Variants in NCBP3 observed in about 807,000 individuals in gnomAD.
NCBP3 encodes the protein nuclear cap binding subunit 3.
NCBP3 carries 20 observed loss-of-function variants against 75.7 expected under a neutral mutation model. That is an observed-to-expected ratio of 0.26 (90% confidence interval 0.19 to 0.38). The LOEUF (loss-of-function observed/expected upper bound fraction) is 0.38, where lower values mean the gene tolerates loss of function less well. Ranked by LOEUF, NCBP3 falls within the 10% of genes least tolerant of loss-of-function variation. NCBP3 has a pLI of 1.00. For synonymous variants in NCBP3, 293 were observed against 290.5 expected (o/e 1.01, Z -0.09); for missense variants, 678 against 796.9 (o/e 0.85, Z 1.80).
intron 7 of NCBP3, chr17:3,822,564 A>C (rs1375647365): frequency 1.3e-5 from 2 of 152,652 alleles, no homozygotes; most frequent in East Asian, 3.8e-4. Flanking sequence ...AAAACAGCAT[A>C]ATACTATACA....
intron 3 of NCBP3, among the ~76,000 whole-genome samples, chr17:3,836,156 T>C (rs2143701728): frequency 6.6e-6 from 1 of 152,364 alleles, no homozygotes; most frequent in African/African-American, 2.4e-5. Flanking sequence ...AACTTGAACT[T>C]GACGCCTAGT....
chr17:3,842,837 G>T (rs879370433), intron 2 of NCBP3, among the ~76,000 whole-genome samples: 1 of 152,056 alleles, frequency 6.6e-6, no homozygotes, highest in Non-Finnish European at 1.5e-5. Context: ...GTAGAGACGG[G>T]TCTCACTATG....
At position 3,846,209 on chromosome 17, in the gene NCBP3, C is replaced by G; in HGVS notation, c.15G>C (p.Arg5=). ...CCGCCTTCACCGACACCCGCAGGCC[C>G]CGTACGGCCGCCATCGCTGCCTGCC... The part of the protein sequence containing the change: MAAV[R]GLRVSVKAEA... The change falls in exon 1 of 13, where the codon CGG becomes CGC. Residue 5 remains arginine, a synonymous_variant. Coordinates refer to ENST00000389005, the MANE Select transcript of NCBP3 (RefSeq NM_001114118.3). This position sits in a 1 kb window ranked among gnomAD's most constrained non-coding sequence, Gnocchi z 4.6. 1 of 1,450,752 alleles carries G rather than the reference C, an allele frequency of 6.9e-7. No individual in the cohort carries two copies. The highest frequency in any genetic ancestry group is 9.0e-7 in the Non-Finnish European group (1 of 1,106,928). 89.9% of individuals were successfully genotyped at this position (1,450,752 alleles called of 1,614,324 possible).
In NCBP3 at chr17:3,807,993, A is replaced by C; in HGVS notation, c.*5051T>G. On this transcript the variant is annotated 3_prime_UTR_variant, in exon 13 of 13. Transcript: ENST00000389005. ...GCTTAAACACAATGGTATTTGTCTG[A>C]AAAAGATTTAAAAAAAGAAAAACAA... The C allele has an allele frequency of 6.6e-6, 1 of 152,214 alleles. No homozygotes were observed. The highest frequency in any genetic ancestry group is 1.9e-4 in the East Asian group (1 of 5,202). 9.4% of individuals were successfully genotyped at this position (152,214 alleles called of 1,614,324 possible).
intron 3 of NCBP3, among the ~76,000 whole-genome samples, chr17:3,837,999 T>A (rs1258989831): frequency 1.3e-5 from 2 of 151,082 alleles, no homozygotes; most frequent in South Asian, 4.2e-4. Flanking sequence ...AAAATTTTTT[T>A]AAATTAAAAG....
intron 7 of NCBP3, chr17:3,823,757 A>G (rs1018173796): frequency 1.3e-5 from 2 of 152,188 alleles, no homozygotes; most frequent in African/African-American, 4.8e-5. Flanking sequence ...ATGGAAGAAT[A>G]GCAACTTTAC....
intron 3 of NCBP3, among the ~76,000 whole-genome samples, chr17:3,839,608 A>T (rs2054031315): frequency 6.6e-6 from 1 of 152,190 alleles, no homozygotes; most frequent in African/African-American, 2.4e-5. Context: ...TTGGCCTCCC[A>T]AAGTGCTGGG....
chr17:3,803,334 T>C lies in NCBP3; in HGVS notation c.*9710A>G, dbSNP rs1365891037. On this transcript the variant is annotated 3_prime_UTR_variant, in exon 13 of 13. Transcript: ENST00000389005. ...CAGAGAGGACAACTAAAGGCAGCGC[T>C]TGATCCTGGATTGGATCCTGGACCA... 6.6e-6 allele frequency: 1 copy of C among 152,264 alleles called. No individual in the cohort carries two copies. Among genetic ancestry groups the C allele is most frequent in the African/African-American group, 2.4e-5 (1 of 41,464 alleles). 9.4% of individuals were successfully genotyped at this position (152,264 alleles called of 1,614,324 possible).
Position 3,804,588 on chromosome 17 carries a change from T to G in NCBP3, c.*8456A>C, listed in dbSNP as rs138894875. On this transcript the variant is annotated 3_prime_UTR_variant, in exon 13 of 13. Transcript: ENST00000389005. ...GGCTGCCTGCTGTCTTCAGAGTGAGTCAAAAGCACTGAGGCACAGCCTTCA... is the reference window on the plus strand; with the variant it reads ...GGCTGCCTGCTGTCTTCAGAGTGAGGCAAAAGCACTGAGGCACAGCCTTCA... 3.9e-4 allele frequency: 59 copies of G among 152,096 alleles called. No homozygotes were observed. The highest frequency in any genetic ancestry group is 1.4e-3 in the African/African-American group (58 of 41,470). The allele number at this position is 152,096 out of a possible 1,614,324, so 9.4% of individuals were successfully genotyped here.
In NCBP3 at chr17:3,834,947, G is replaced by A. The variant is rs539222313; in HGVS notation, c.355+5153C>T. ...CTCTATTTCAAGTTCATTAAGCCAC[G>A]TAATCCAGTTCCTCATGACAGTAAA... On this transcript the variant is annotated intron_variant, in intron 3 of 12. Transcript: ENST00000389005. Among the ~76,000 whole-genome samples the A allele has an allele frequency of 2.0e-4, 30 of 152,212 alleles. No homozygotes were observed. The South Asian group carries it at 6.0e-3, about 31-fold the overall frequency.
At chr17:3,825,422 T>G (rs2053766491) in intron 6 of NCBP3, among the ~76,000 whole-genome samples, 1 of 152,230 alleles carries the variant, frequency 6.6e-6, no homozygotes, top group South Asian at 2.1e-4. Flanking sequence ...ACTCAGTAAA[T>G]ATTTTTTAAA....
rs542857109 is a variant in NCBP3 at position 3,802,176 on chromosome 17, T to C, written c.*10868A>G. ...CAACTGATGAACTGAATTTTGTATATTTTATTTAATTTTAATTAAACGTAA... is the reference window on the plus strand; with the variant it reads ...CAACTGATGAACTGAATTTTGTATACTTTATTTAATTTTAATTAAACGTAA... On this transcript the variant is annotated 3_prime_UTR_variant, in exon 13 of 13. Transcript: ENST00000389005. 2 of 152,338 alleles carry C rather than the reference T, an allele frequency of 1.3e-5. No individual in the cohort carries two copies. The highest frequency in any genetic ancestry group is 4.8e-5 in the African/African-American group (2 of 41,574). 9.4% of individuals were successfully genotyped at this position (152,338 alleles called of 1,614,324 possible). A position where few individuals can be genotyped will look rare whatever the true frequency, so the allele number is the denominator to read the frequency against.
rs1356790079 is a variant in NCBP3, at chr17:3,810,152, A to G, written c.*2892T>C. ...CTTTAAATGGCTGAACTGTATGCAA[A>G]TTACATCTAAATTAAGCTGGTAACA... On this transcript the variant is annotated 3_prime_UTR_variant, in exon 13 of 13. Transcript: ENST00000389005. 9 of 152,206 alleles carry G rather than the reference A, an allele frequency of 5.9e-5. No homozygotes were observed. Among genetic ancestry groups the G allele is most frequent in the African/African-American group, 2.2e-4 (9 of 41,444 alleles). 9.4% of individuals were successfully genotyped at this position (152,206 alleles called of 1,614,324 possible).
chr17:3,826,347 C>G lies in NCBP3; in HGVS notation c.482-132G>C, dbSNP rs530095831. 9 of 892,394 alleles carry G rather than the reference C, an allele frequency of 1.0e-5. No individual in the cohort carries two copies. In the South Asian group the frequency reaches 1.8e-4, roughly 18 times the overall value. The allele number at this position is 892,394 out of a possible 1,614,324, so 55.3% of individuals were successfully genotyped here. ...TATCATCAGTAAATATACAAACCAACTAATGAAGAGAAATATAGACCAGGC... is the reference window on the plus strand; with the variant it reads ...TATCATCAGTAAATATACAAACCAAGTAATGAAGAGAAATATAGACCAGGC... On this transcript the variant is annotated intron_variant, in intron 4 of 12. Coordinates refer to ENST00000389005, the MANE Select transcript of NCBP3 (RefSeq NM_001114118.3).
chr17:3,831,388 T>C (rs933865643), intron 3 of NCBP3, among the ~76,000 whole-genome samples: 62 of 151,272 alleles, frequency 4.1e-4, no homozygotes, highest in Admixed American at 1.7e-3. Flanking sequence ...CTGGCCAACA[T>C]GGTGAAACCC....
intron 3 of NCBP3, among the ~76,000 whole-genome samples, chr17:3,830,810 C>G (rs2053864011): frequency 6.6e-6 from 1 of 151,922 alleles, no homozygotes; most frequent in Non-Finnish European, 1.5e-5. Flanking sequence ...GTCTCCATCC[C>G]TTGCCCTCGT....
chr17:3,845,512 G>A (rs2054146692), intron 1 of NCBP3, among the ~76,000 whole-genome samples: 1 of 152,128 alleles, frequency 6.6e-6, no homozygotes, highest in Non-Finnish European at 1.5e-5. Context: ...TGCGGGGGGG[G>A]CAAGATGACC....
rs1391856969 is a variant in NCBP3 at position 3,803,884 on chromosome 17, G to A, written c.*9160C>T. 7 of 151,762 alleles carry A rather than the reference G, an allele frequency of 4.6e-5. No individual in the cohort carries two copies. Among genetic ancestry groups the A allele is most frequent in the South Asian group, 2.1e-4 (1 of 4,806 alleles). 9.4% of individuals were successfully genotyped at this position (151,762 alleles called of 1,614,324 possible). The stretch of plus-strand genomic sequence containing the variant: ...AAGTCAGGAGATCGAGACCATCCTG[G>A]CTAACACGGTGAAACCCGGTCTCTA... On this transcript the variant is annotated 3_prime_UTR_variant, in exon 13 of 13. Coordinates refer to ENST00000389005, the MANE Select transcript of NCBP3 (RefSeq NM_001114118.3).
intron 3 of NCBP3, among the ~76,000 whole-genome samples, chr17:3,835,236 C>A (rs2143699589): frequency 6.6e-6 from 1 of 152,342 alleles, no homozygotes; most frequent in East Asian, 1.9e-4. Flanking sequence ...GCCTCAAGTA[C>A]ATGATGAGAA....
Sources: allele counts gnomAD v4.1 joint callset (sites outside exome capture counted in the v4.1 genomes callset), GRCh38; gene constraint gnomAD v4.1.1; non-coding constraint Gnocchi (gnomAD v3.1); transcripts MANE v1.5; gene names NCBI Gene and HGNC (gene_info 2026-07-23, HGNC 2026-07-21).